The following PPP1R12B variants were observed in gnomAD, a reference collection of about 807,000 sequenced individuals.
PPP1R12B encodes myosin phosphatase target subunit 2.
Under a neutral mutation model 126.1 loss-of-function variants are expected in PPP1R12B, and 76 were observed. That is an observed-to-expected ratio of 0.60 (90% confidence interval 0.50 to 0.73). PPP1R12B has a LOEUF of 0.73. Ranked by LOEUF, PPP1R12B falls within the 30% of genes least tolerant of loss-of-function variation. The probability of loss-of-function intolerance (pLI) is 0.00; values close to 1 mark genes in which losing one functional copy is unlikely to be tolerated. For missense variants in PPP1R12B, 1,052 were observed against 1,205.1 expected (o/e 0.87, Z 1.88); for synonymous variants, 356 against 434.7 (o/e 0.82, Z 2.25).
chr1:202,568,601 A>G (rs776386971), intron 22 of PPP1R12B, among the ~76,000 whole-genome samples: 2 of 152,218 alleles, frequency 1.3e-5, no homozygotes, highest in Non-Finnish European at 2.9e-5. Context: ...GGCTAAACCA[A>G]GAGTCAGTTG....
intron 1 of PPP1R12B, among the ~76,000 whole-genome samples, chr1:202,364,207 T>C (rs1015548998): frequency 1.3e-5 from 2 of 152,172 alleles, no homozygotes; most frequent in African/African-American, 4.8e-5. Context: ...ATGTAGTTAT[T>C]TGCAAATTAT....
At position 202,442,569 on chromosome 1, in the gene PPP1R12B, A is replaced by G; in HGVS notation, c.1664A>G (p.Lys555Arg). The change falls in exon 12 of 24, where the codon AAA becomes AGA. Residue 555 changes from lysine to arginine, a missense_variant. Transcript: ENST00000608999. Reference protein sequence around the residue: ...APSTYVSTYLKRTPHKSQADT... With the variant: ...APSTYVSTYLRRTPHKSQADT... The stretch of plus-strand genomic sequence containing the variant: ...TCCACCTATGTATCAACTTACTTGA[A>G]AAGGTACCAGGCTCAAAGGGGGTGG... The G allele has an allele frequency of 2.5e-6, 4 of 1,611,614 alleles. No individual in the cohort carries two copies. In the Middle Eastern group the frequency reaches 6.6e-4, roughly 266 times the overall value.
At chr1:202,463,906 C>A (rs1245678763) in intron 13 of PPP1R12B, among the ~76,000 whole-genome samples, 5 of 152,212 alleles carry the variant, frequency 3.3e-5, no homozygotes, top group Non-Finnish European at 5.9e-5. Context: ...TCTCTCAACT[C>A]TTCTTCCTGG....
chr1:202,462,205 C>A (rs1674397632), intron 13 of PPP1R12B, among the ~76,000 whole-genome samples: 1 of 152,134 alleles, frequency 6.6e-6, no homozygotes, highest in African/African-American at 2.4e-5. Flanking sequence ...AACATTAGTA[C>A]TGTTAATCTC....
At chr1:202,527,031 A>G (rs1683419292) in intron 18 of PPP1R12B, among the ~76,000 whole-genome samples, 1 of 152,172 alleles carries the variant, frequency 6.6e-6, no homozygotes, top group Admixed American at 6.5e-5. Context: ...AAGAAGTTGA[A>G]AACAGAGTAA....
At chr1:202,411,310 G>A (rs911350388) in intron 1 of PPP1R12B, among the ~76,000 whole-genome samples, 2 of 149,782 alleles carry the variant, frequency 1.3e-5, no homozygotes, top group Non-Finnish European at 3.0e-5. Flanking sequence ...GTCACTCCAA[G>A]GTGCTTCATG....
In PPP1R12B at chr1:202,586,414, G is replaced by C. The variant is rs1215308018; in HGVS notation, c.*5854G>C. ...CACAGAAACAAAGCTTTGTCACACAGAAATGAGTTCTGTCTCACTGGTGAC... is the reference window on the plus strand; with the variant it reads ...CACAGAAACAAAGCTTTGTCACACACAAATGAGTTCTGTCTCACTGGTGAC... On this transcript the variant is annotated 3_prime_UTR_variant, in exon 24 of 24. Coordinates refer to ENST00000608999, the MANE Select transcript of PPP1R12B (RefSeq NM_002481.4). The C allele has an allele frequency of 6.6e-6, 1 of 152,296 alleles. No homozygotes were observed. Among genetic ancestry groups the C allele is most frequent in the Non-Finnish European group, 1.5e-5 (1 of 68,078 alleles). 9.4% of individuals were successfully genotyped at this position (152,296 alleles called of 1,614,324 possible).
chr1:202,550,231 A>T (rs1212604705), intron 18 of PPP1R12B, among the ~76,000 whole-genome samples: 1 of 152,186 alleles, frequency 6.6e-6, no homozygotes, highest in Non-Finnish European at 1.5e-5. Flanking sequence ...ATTCCTTTGT[A>T]AAAGTTTTGA....
At chr1:202,570,745 A>G (rs1322145589) in intron 23 of PPP1R12B, among the ~76,000 whole-genome samples, 6 of 151,672 alleles carry the variant, frequency 4.0e-5, no homozygotes, top group Admixed American at 1.3e-4. Context: ...CTGGACTTGA[A>G]CTCCTGGGCT....
In PPP1R12B at chr1:202,493,132, C is replaced by T; in HGVS notation, c.1960C>T (p.Leu654Phe). The T allele has an allele frequency of 6.2e-7, 1 of 1,611,976 alleles. No individual in the cohort carries two copies. Among genetic ancestry groups the T allele is most frequent in the Non-Finnish European group, 8.5e-7 (1 of 1,179,836 alleles). ...RSTQGVTLTD[L>F]QEAERTFSRS... ...TTCCCAGGGTGTCACCCTAACAGAC[C>T]TTCAAGAAGCAGAAAGGACATTCAG... is the stretch of plus-strand genomic sequence containing the variant. Residue 654 changes from leucine to phenylalanine, a missense_variant, in exon 15 of 24, where the codon CTT (leucine) becomes TTT (phenylalanine). Transcript: ENST00000608999.
chr1:202,354,379 T>G (rs544512822), intron 1 of PPP1R12B, among the ~76,000 whole-genome samples: 40 of 152,290 alleles, frequency 2.6e-4, no homozygotes, highest in Admixed American at 6.5e-4. Flanking sequence ...GAGACCAGCG[T>G]GGGCAACATA....
At chr1:202,513,555 CTAGAGA>C (rs1180581871) in intron 18 of PPP1R12B, among the ~76,000 whole-genome samples, 1 of 152,014 alleles carries the variant, frequency 6.6e-6, no homozygotes, top group Non-Finnish European at 1.5e-5. Flanking sequence ...AGTTCCAGGG[CTAGAGA>C]TAAAGAGTTG....
intron 13 of PPP1R12B, among the ~76,000 whole-genome samples, chr1:202,459,509 A>G (rs1018485135): frequency 6.6e-6 from 1 of 152,182 alleles, no homozygotes; most frequent in Non-Finnish European, 1.5e-5. Context: ...GAAGGGCATA[A>G]TCTTGGATTT....
At position 202,582,538 on chromosome 1, in the gene PPP1R12B, C is replaced by T. The variant is rs184509613; in HGVS notation, c.*1978C>T. 1.3e-5 allele frequency: 2 copies of T among 152,720 alleles called. No homozygotes were observed. Among genetic ancestry groups the T allele is most frequent in the Admixed American group, 1.3e-4 (2 of 15,286 alleles). 9.5% of individuals were successfully genotyped at this position (152,720 alleles called of 1,614,324 possible). The stretch of plus-strand genomic sequence containing the variant: ...TTTCCTAACATGACATGTAGCTCTC[C>T]ATGGTCCTCCCTCTGAAACACCACA... On this transcript the variant is annotated 3_prime_UTR_variant, in exon 24 of 24. Coordinates refer to ENST00000608999, the MANE Select transcript of PPP1R12B (RefSeq NM_002481.4).
intron 22 of PPP1R12B, among the ~76,000 whole-genome samples, chr1:202,568,807 A>C (rs752627136): frequency 2.6e-5 from 4 of 152,192 alleles, no homozygotes; most frequent in Non-Finnish European, 5.9e-5. Context: ...AATAGAGAGC[A>C]AGGGCCCTAG....
chr1:202,446,213 A>ACTCTCTCTCT (rs3077313), intron 12 of PPP1R12B, among the ~76,000 whole-genome samples: 6,716 of 63,706 alleles, frequency 0.11, 631 homozygotes, highest in Non-Finnish European at 0.16. Flanking sequence ...ATATTATATT[A>ACTCTCTCTCT]CTCTCTCTCT....
At chr1:202,450,311 A>G (rs1269777761) in intron 13 of PPP1R12B, among the ~76,000 whole-genome samples, 2 of 152,256 alleles carry the variant, frequency 1.3e-5, no homozygotes, top group Non-Finnish European at 2.9e-5. Context: ...ATGAGAGAAT[A>G]TTGTGAATTG....
At chr1:202,500,425 A>T (rs546406542) in intron 18 of PPP1R12B, among the ~76,000 whole-genome samples, 1 of 152,338 alleles carries the variant, frequency 6.6e-6, no homozygotes, top group African/African-American at 2.4e-5. Flanking sequence ...AAATGAAATT[A>T]TGTCATTCAC....
chr1:202,544,228 A>C (rs985001232), intron 18 of PPP1R12B, among the ~76,000 whole-genome samples: 4 of 152,216 alleles, frequency 2.6e-5, no homozygotes, highest in African/African-American at 9.6e-5. Flanking sequence ...TTTTCTTCTG[A>C]GTCTTCGTAG....
Sources: gnomAD v4.1 joint callset for allele counts (sites outside exome capture counted in the v4.1 genomes callset) on GRCh38, gnomAD v4.1.1 for gene constraint, MANE v1.5 for transcripts, NCBI Gene and HGNC (gene_info 2026-07-23, HGNC 2026-07-21) for gene names.